MPDZ: variants seen among roughly 807,000 people sequenced by gnomAD.
MPDZ encodes the protein multiple PDZ domain protein.
MPDZ carries 234 observed loss-of-function variants against 239.1 expected under a neutral mutation model. The observed-to-expected ratio is 0.98, with a 90% CI of 0.88 to 1.09. MPDZ has a LOEUF of 1.09. Among genes scored for constraint, MPDZ ranks in the 50% least tolerant of loss-of-function variants. The probability of loss-of-function intolerance (pLI) is 0.00; values close to 1 mark genes in which losing one functional copy is unlikely to be tolerated. For missense variants in MPDZ, 3,175 were observed against 2,510.0 expected (o/e 1.26, Z -5.66); for synonymous variants, 1,048 against 881.3 (o/e 1.19, Z -3.35).
At position 13,242,187 on chromosome 9, in the gene MPDZ, A is replaced by G. The variant is rs138242881; in HGVS notation, c.183+5448T>C. ...TCTTACTTATCAAAATGTCATTAAAACCACTACCTTAATTTTATGTTAGGA... is the reference window on the plus strand; with the variant it reads ...TCTTACTTATCAAAATGTCATTAAAGCCACTACCTTAATTTTATGTTAGGA... On this transcript the variant is annotated intron_variant, in intron 3 of 46. Coordinates refer to ENST00000319217, the MANE Select transcript of MPDZ (RefSeq NM_001378778.1). Among the ~76,000 whole-genome samples, 539 of 149,160 alleles carry G rather than the reference A, an allele frequency of 3.6e-3. 4 individuals are homozygous for G. The highest frequency in any genetic ancestry group is 0.013 in the African/African-American group (518 of 40,390).
intron 7 of MPDZ, 110 bp downstream of exon 7, chr9:13,221,262 T>C: frequency 5.0e-6 from 6 of 1,194,292 alleles, no homozygotes; most frequent in Non-Finnish European, 6.8e-6. Flanking sequence ...CTAACTCAAT[T>C]TCTTTGGCAT....
chr9:13,156,194 A>G (rs1209499265), intron 24 of MPDZ, among the ~76,000 whole-genome samples: 1 of 152,210 alleles, frequency 6.6e-6, no homozygotes, highest in Non-Finnish European at 1.5e-5. Flanking sequence ...TTCTATTATT[A>G]ACCTCATTTT....
intron 10 of MPDZ, among the ~76,000 whole-genome samples, chr9:13,209,055 A>G (rs577440094): frequency 6.6e-6 from 1 of 152,264 alleles, no homozygotes; most frequent in Admixed American, 6.5e-5. Context: ...AGGCAGGCCA[A>G]CTGAATCTCT....
intron 5 of MPDZ, 64 bp downstream of exon 5, chr9:13,223,507 G>A (rs1165063880): frequency 3.3e-6 from 5 of 1,507,678 alleles, no homozygotes; most frequent in South Asian, 1.4e-5. Flanking sequence ...CTAAATTCCT[G>A]CATAGTAACC....
intron 36 of MPDZ, 67 bp downstream of exon 36, chr9:13,123,086 C>T: frequency 6.8e-7 from 1 of 1,468,088 alleles, no homozygotes; most frequent in Non-Finnish European, 9.1e-7. Context: ...TAGAAATCTC[C>T]CCATAATCGT....
At chr9:13,151,155 C>A (rs1029617964) in intron 24 of MPDZ, among the ~76,000 whole-genome samples, 8 of 152,060 alleles carry the variant, frequency 5.3e-5, no homozygotes, top group Non-Finnish European at 1.0e-4. Flanking sequence ...CACACACACA[C>A]ACACACAAAT....
At chr9:13,223,786 C>T (rs1264379061) in intron 4 of MPDZ, 76 bp from the exon 5 acceptor site, 3 of 1,444,252 alleles carry the variant, frequency 2.1e-6, no homozygotes, top group African/African-American at 2.9e-5. Context: ...AATCCCAGCA[C>T]TTTGGGAGGC....
chr9:13,140,404 ATATATG>A (rs200036902), intron 27 of MPDZ, among the ~76,000 whole-genome samples: 2,608 of 138,316 alleles, frequency 0.019, 81 homozygotes, highest in South Asian at 0.089. Flanking sequence ...ATATATATAT[ATATATG>A]TATATATATG....
rs750963008 is a variant in MPDZ, at chr9:13,137,957, C to T, written c.4200G>A (p.Glu1400=). ...TTCAAAATTTTCCACAAAAACTTAC[C>T]TCTAGAAGCTCATCTGCAATTTGCA... The part of the protein sequence containing the change: ...GRLQIADELL[E]INGQILYGRS... The change falls in exon 29 of 47, where the codon GAG becomes GAA. Residue 1400 remains glutamate, a splice_region_variant and synonymous_variant. Transcript: ENST00000319217. 1.2e-6 allele frequency: 2 copies of T among 1,613,536 alleles called. No individual in the cohort carries two copies. The highest frequency in any genetic ancestry group is 1.7e-6 in the Non-Finnish European group (2 of 1,179,670).
chr9:13,210,120 A>G (rs1018825567), intron 10 of MPDZ, among the ~76,000 whole-genome samples: 3 of 151,710 alleles, frequency 2.0e-5, no homozygotes, highest in South Asian at 4.1e-4. Context: ...TAAAATTCTT[A>G]TATTTCAAAG....
At chr9:13,172,286 A>G (rs1320612995) in intron 21 of MPDZ, among the ~76,000 whole-genome samples, 1 of 152,246 alleles carries the variant, frequency 6.6e-6, no homozygotes, top group Admixed American at 6.5e-5. Flanking sequence ...GAAATGAAGC[A>G]GAAAAGTTAA....
At chr9:13,216,270 T>C (rs1426705421) in intron 10 of MPDZ, among the ~76,000 whole-genome samples, 1 of 151,384 alleles carries the variant, frequency 6.6e-6, no homozygotes, top group African/African-American at 2.4e-5. Flanking sequence ...ATAACAATGA[T>C]AGCTTGAACT....
chr9:13,113,990 A>T lies in MPDZ; in HGVS notation c.5498T>A (p.Phe1833Tyr). Residue 1833 changes from phenylalanine (F) to tyrosine (Y), a missense_variant, in exon 41 of 47, where the codon TTT becomes TAT. Transcript: ENST00000319217. ...AGATGTACTGGATCCAGAGAGTGGA[A>T]AAGTGAAAGATGACAGGCTGCCTTC... ...VSEGSLSSFT[F>Y]PLSGSSTSES... The T allele has an allele frequency of 6.3e-7, 1 of 1,598,174 alleles. No homozygotes were observed. The highest frequency in any genetic ancestry group is 8.5e-7 in the Non-Finnish European group (1 of 1,171,754).
rs959624963 is a variant in MPDZ at position 13,219,784 on chromosome 9, T to G, written c.877-16A>C. On this transcript the variant is annotated splice_polypyrimidine_tract_variant and intron_variant, in intron 7 of 46. Transcript: ENST00000319217. ...AACGCCCATGCTGAGTAAAACAATATTGAATAATTAGACTATTATTATTTT... is the reference window on the plus strand; with the variant it reads ...AACGCCCATGCTGAGTAAAACAATAGTGAATAATTAGACTATTATTATTTT... The G allele has an allele frequency of 8.1e-6, 13 of 1,608,568 alleles. No homozygotes were observed. Among genetic ancestry groups the G allele is most frequent in the Non-Finnish European group, 1.0e-5 (12 of 1,175,972 alleles).
Position 13,140,277 on chromosome 9 carries a change from C to G in MPDZ, c.3841-128G>C, listed in dbSNP as rs530896128. Reference sequence around the variant, plus strand: ...AATATCTAACAAATAATGGAAAGCTCATATATGTATATAATATATATATAA... The same window carrying G: ...AATATCTAACAAATAATGGAAAGCTGATATATGTATATAATATATATATAA... On this transcript the variant is annotated intron_variant, in intron 27 of 46. Coordinates refer to ENST00000319217, the MANE Select transcript of MPDZ (RefSeq NM_001378778.1). 4 of 638,670 alleles carry G rather than the reference C, an allele frequency of 6.3e-6. No individual in the cohort carries two copies. In the African/African-American group the frequency reaches 7.5e-5, roughly 12 times the overall value. The allele number at this position is 638,670 out of a possible 1,614,324, so 39.6% of individuals were successfully genotyped here. A position where few individuals can be genotyped will look rare whatever the true frequency, so the allele number is the denominator to read the frequency against.
At chr9:13,129,195 G>A (rs1033646084) in intron 32 of MPDZ, among the ~76,000 whole-genome samples, 4 of 152,162 alleles carry the variant, frequency 2.6e-5, no homozygotes, top group Admixed American at 6.5e-5. Context: ...GGGCGTGGTG[G>A]CTCAGACCTG....
intron 3 of MPDZ, among the ~76,000 whole-genome samples, chr9:13,243,168 T>C (rs758581549): frequency 6.6e-5 from 10 of 152,220 alleles, no homozygotes; most frequent in Non-Finnish European, 1.3e-4. Context: ...CTTTCTGTTC[T>C]ATTTTCCCCT....
At chr9:13,228,924 A>G (rs1961514556) in intron 3 of MPDZ, among the ~76,000 whole-genome samples, 1 of 152,182 alleles carries the variant, frequency 6.6e-6, no homozygotes, top group South Asian at 2.1e-4. Flanking sequence ...AGCTGGTACA[A>G]GCTAGCGAAG....
At chr9:13,273,092 C>A (rs1054300205) in intron 1 of MPDZ, among the ~76,000 whole-genome samples, 3 of 152,114 alleles carry the variant, frequency 2.0e-5, no homozygotes, top group Non-Finnish European at 4.4e-5. Context: ...CACAGCAACA[C>A]GGCATCATCT....
Sources: gnomAD v4.1 joint callset for allele counts (sites outside exome capture counted in the v4.1 genomes callset) on GRCh38, gnomAD v4.1.1 for gene constraint, MANE v1.5 for transcripts, NCBI Gene and HGNC (gene_info 2026-07-23, HGNC 2026-07-21) for gene names.